Variants in NPC1L1 observed in about 807,000 individuals in gnomAD.
The protein encoded by NPC1L1 is NPC1-like intracellular cholesterol transporter 1.
Under a neutral mutation model 117.0 loss-of-function variants are expected in NPC1L1, and 98 were observed. The observed-to-expected ratio is 0.84, with a 90% confidence interval of 0.71 to 0.99. NPC1L1 has a LOEUF of 0.99. NPC1L1 is among the 50% of genes least tolerant of loss of function. The probability of loss-of-function intolerance (pLI) is 0.00; values close to 1 mark genes in which losing one functional copy is unlikely to be tolerated. For synonymous variants in NPC1L1, 729 were observed against 727.6 expected, an observed-to-expected ratio of 1.00 and a Z score of -0.03; for missense variants, 1,540 against 1,710.0, an observed-to-expected ratio of 0.90 and a Z score of 1.75.
intron 14 of NPC1L1, 62 bp from the exon 15 acceptor site, chr7:44,517,419 T>C: frequency 6.3e-7 from 1 of 1,590,750 alleles, no homozygotes; most frequent in Non-Finnish European, 8.5e-7. Context: ...CCAGGACAAC[T>C]TCAGAACACC....
Position 44,536,837 on chromosome 7 carries a change from CT to C in NPC1L1, c.1681+4del, listed in dbSNP as rs771375156. 1.9e-5 allele frequency: 30 copies of C among 1,612,958 alleles called. No individual in the cohort carries two copies. Among genetic ancestry groups the C allele is most frequent in the Admixed American group, 3.3e-5 (2 of 60,010 alleles). On this transcript the variant is annotated splice_donor_region_variant and intron_variant, in intron 3 of 18. Transcript: ENST00000381160. This position sits in a 1 kb window ranked among gnomAD's most constrained non-coding sequence, Gnocchi z 4.7. ...TGGCTTCCTCTCAGGGCCCACTTAG[CT>C]TACCTTTGTACCCCCCAATGGCAAG...
Position 44,529,136 on chromosome 7 carries a change from C to T in NPC1L1, c.2637+2619G>A, listed in dbSNP as rs1249248203. Among the ~76,000 whole-genome samples, 92 of 148,870 alleles carry T rather than the reference C, an allele frequency of 6.2e-4. 1 individual carries two copies. The highest frequency in any genetic ancestry group is 2.1e-3 in the African/African-American group (86 of 40,626). ...ACACACACACACACACACACACACA[C>T]ACACACACACACACACACACACACA... On this transcript the variant is annotated intron_variant, in intron 10 of 18. Coordinates refer to ENST00000381160, the MANE Select transcript of NPC1L1 (RefSeq NM_001101648.2).
At chr7:44,514,074 C>A (rs1383030037) in intron 18 of NPC1L1, among the ~76,000 whole-genome samples, 1 of 152,208 alleles carries the variant, frequency 6.6e-6, no homozygotes, top group Non-Finnish European at 1.5e-5. Flanking sequence ...AAGTCTGTAA[C>A]CTGGGGCAGG....
Position 44,534,655 on chromosome 7 carries a change from CT to C in NPC1L1, c.1984-27del. 6.2e-7 allele frequency: 1 copy of C among 1,612,490 alleles called. No individual in the cohort carries two copies. Among genetic ancestry groups the C allele is most frequent in the Middle Eastern group, 1.7e-4 (1 of 5,794 alleles). On this transcript the variant is annotated intron_variant, in intron 5 of 18. Coordinates refer to ENST00000381160, the MANE Select transcript of NPC1L1 (RefSeq NM_001101648.2). The surrounding 1 kb of genome is among the most constrained non-coding windows in gnomAD (Gnocchi z 5.2). ...CTGCAATGCAAACAGGCTCAGCCCC[CT>C]AGCCACTTAGCACCTACCCAGTATG...
intron 5 of NPC1L1, among the ~76,000 whole-genome samples, chr7:44,535,249 C>T (rs1235357266): frequency 6.6e-6 from 1 of 151,988 alleles, no homozygotes. Flanking sequence ...CCTGTAATGC[C>T]AGCTACTCGG....
chr7:44,520,019 C>T (rs1438892535), intron 14 of NPC1L1, among the ~76,000 whole-genome samples: 2 of 152,080 alleles, frequency 1.3e-5, no homozygotes, highest in African/African-American at 4.8e-5. Context: ...GTGGCTCATG[C>T]CTGTAATACT....
chr7:44,530,053 AG>A (rs1801648928), intron 10 of NPC1L1, among the ~76,000 whole-genome samples: 1 of 150,704 alleles, frequency 6.6e-6, no homozygotes, highest in Non-Finnish European at 1.5e-5. Context: ...AAGAAAAAGT[AG>A]AGGCCAGGTG....
chr7:44,539,954 C>T lies in NPC1L1; in HGVS notation c.443G>A (p.Gly148Glu). Residue 148 changes from glycine to glutamate, a missense_variant, in exon 2 of 19, where the codon GGA becomes GAA. Coordinates refer to ENST00000381160, the MANE Select transcript of NPC1L1 (RefSeq NM_001101648.2). The surrounding 1 kb of genome is among the most constrained non-coding windows in gnomAD (Gnocchi z 4.4). ...ATAGGCCACCACAGCTGGGAGTTGT[C>T]CAGCCCCTAGCTGGGCCACGCGGGT... ...NVTRVAQLGA[G>E]QLPAVVAYEA... 6.2e-7 allele frequency: 1 copy of T among 1,614,230 alleles called. No homozygotes were observed. The highest frequency in any genetic ancestry group is 8.5e-7 in the Non-Finnish European group (1 of 1,180,030).
intron 14 of NPC1L1, 121 bp downstream of exon 14, chr7:44,520,644 C>T (rs940370174): frequency 3.8e-5 from 33 of 865,234 alleles, no homozygotes; most frequent in Middle Eastern, 2.2e-4. Flanking sequence ...ACAGGGCCAG[C>T]GCAGTGAGAA....
rs150464392 is a variant in NPC1L1, at chr7:44,536,937, G to A, written c.1586C>T (p.Pro529Leu). The change falls in exon 3 of 19, where the codon CCG becomes CTG. Residue 529 changes from proline to leucine, a missense_variant. By Grantham distance (98) the Pro-to-Leu change is moderately conservative. Around this residue, in one of 3 missense-constraint regions of NPC1L1, gnomAD observed 793 missense variants for 820.4 expected, o/e 0.97. Coordinates refer to ENST00000381160, the MANE Select transcript of NPC1L1 (RefSeq NM_001101648.2). The surrounding 1 kb of genome is among the most constrained non-coding windows in gnomAD (Gnocchi z 4.7). ...KDHFLYCANA[P>L]LTFKDGTALA... ...GGCTGTGCCATCCTTGAAGGTGAGC[G>A]GGGCACTAGAGGGAGATGACCGCAA... 28 of 1,613,656 alleles carry A rather than the reference G, an allele frequency of 1.7e-5. No homozygotes were observed. The highest frequency in any genetic ancestry group is 1.3e-4 in the South Asian group (12 of 91,060).
chr7:44,521,156 G>C, intron 12 of NPC1L1, 38 bp from the exon 13 acceptor site: 1 of 1,613,440 alleles, frequency 6.2e-7, no homozygotes, highest in South Asian at 1.1e-5. Context: ...TGACACCCCA[G>C]GGCCAGCAGC....
In NPC1L1 at chr7:44,532,209, C is replaced by T. The variant is rs1212225392; in HGVS notation, c.2418G>A (p.Arg806=). 2 of 1,613,600 alleles carry T rather than the reference C, an allele frequency of 1.2e-6. No homozygotes were observed. Among genetic ancestry groups the T allele is most frequent in the East Asian group, 2.2e-5 (1 of 44,888 alleles). The stretch of plus-strand genomic sequence containing the variant: ...GCTTGACACAGCAGCAGACGTCCAA[C>T]CGGGAGGCCTGGAGTGGGAGGCACC... ...SLDSKRQEAS[R]LDVCCCVKPQ... is the part of the protein sequence containing the mutation. The change falls in exon 9 of 19, where the codon CGG becomes CGA. Residue 806 remains arginine (R), a synonymous_variant. Transcript: ENST00000381160.
chr7:44,522,357 T>C, intron 10 of NPC1L1, 115 bp from the exon 11 acceptor site: 1 of 985,692 alleles, frequency 1.0e-6, no homozygotes, highest in South Asian at 1.4e-5. Flanking sequence ...AGGCACATGT[T>C]CAGAGGTCCA....
chr7:44,531,664 G>T, intron 10 of NPC1L1, 91 bp downstream of exon 10: 2 of 1,149,870 alleles, frequency 1.7e-6, no homozygotes, highest in Non-Finnish European at 2.5e-6. Flanking sequence ...CCAAGCCCCT[G>T]GCCGGAGGAC....
In NPC1L1 at chr7:44,519,953, C is replaced by T. The variant is rs185934532; in HGVS notation, c.3136+812G>A. ...CTGAATAGCTGGAACTACAGGCACACGCCACCACACCCGGGCAATTTTTTA... is the reference window on the plus strand; with the variant it reads ...CTGAATAGCTGGAACTACAGGCACATGCCACCACACCCGGGCAATTTTTTA... On this transcript the variant is annotated intron_variant, in intron 14 of 18. Coordinates refer to ENST00000381160, the MANE Select transcript of NPC1L1 (RefSeq NM_001101648.2). Among the ~76,000 whole-genome samples the T allele has an allele frequency of 6.6e-5, 10 of 152,030 alleles. No individual in the cohort carries two copies. The East Asian group carries it at 1.5e-3, about 24-fold the overall frequency.
chr7:44,534,470 A>C lies in NPC1L1; in HGVS notation c.2143T>G (p.Phe715Val). ...ACCTGGTACTCGAGAACAAAGATGA[A>C]GATGTTATCAGCCCCCACGGACAGC... ...LVLSVGADNI[F>V]IFVLEYQRLP... The change falls in exon 6 of 19, where the codon TTC becomes GTC. Residue 715 changes from phenylalanine to valine, a missense_variant. Coordinates refer to ENST00000381160, the MANE Select transcript of NPC1L1 (RefSeq NM_001101648.2). The surrounding 1 kb of genome is among the most constrained non-coding windows in gnomAD (Gnocchi z 5.2). The C allele has an allele frequency of 6.2e-7, 1 of 1,614,114 alleles. No individual in the cohort carries two copies. The highest frequency in any genetic ancestry group is 8.5e-7 in the Non-Finnish European group (1 of 1,180,006).
Position 44,541,173 on chromosome 7 carries a change from G to T in NPC1L1, c.54+33C>A, listed in dbSNP as rs548277093. 8.4e-6 allele frequency: 13 copies of T among 1,547,702 alleles called. No homozygotes were observed. The South Asian group carries it at 1.5e-4, about 18-fold the overall frequency. ...GCCCCAGGGTCCCTAACTGGAGGCCGCAGGGGAGGTGGAGCCAAGCCCTGG... is the reference window on the plus strand; with the variant it reads ...GCCCCAGGGTCCCTAACTGGAGGCCTCAGGGGAGGTGGAGCCAAGCCCTGG... On this transcript the variant is annotated intron_variant, in intron 1 of 18. Transcript: ENST00000381160.
rs577093223 is a variant in NPC1L1, at chr7:44,516,287, A to C, written c.3520-90T>G. The C allele has an allele frequency of 4.7e-5, 51 of 1,085,384 alleles. 3 individuals are homozygous for C. In the South Asian group the frequency reaches 6.7e-4, roughly 14 times the overall value. 67.2% of individuals were successfully genotyped at this position (1,085,384 alleles called of 1,614,324 possible). A position where few individuals can be genotyped will look rare whatever the true frequency, so the allele number is the denominator to read the frequency against. On this transcript the variant is annotated intron_variant, in intron 16 of 18. Coordinates refer to ENST00000381160, the MANE Select transcript of NPC1L1 (RefSeq NM_001101648.2). Reference sequence around the variant, plus strand: ...GCCTCCACCAGGACCAGCGTGGGGCAGGCATCTAGATTCTAGACAGAACTG... The same window carrying C: ...GCCTCCACCAGGACCAGCGTGGGGCCGGCATCTAGATTCTAGACAGAACTG...
rs1227341875 is a variant in NPC1L1, at chr7:44,516,419, C to CA, written c.3520-223dup. ...AGGAGTTTGAGACCAGCCTGGGCAA[C>CA]AAAGTGAGACCCTGTCTCTACAACA... On this transcript the variant is annotated intron_variant, in intron 16 of 18. Transcript: ENST00000381160. Among the ~76,000 whole-genome samples, 6 of 146,578 alleles carry CA rather than the reference C, an allele frequency of 4.1e-5. 1 individual carries two copies. In the Admixed American group the frequency reaches 4.2e-4, roughly 10 times the overall value.
Sources: allele counts gnomAD v4.1 joint callset (sites outside exome capture counted in the v4.1 genomes callset), GRCh38; gene constraint gnomAD v4.1.1; regional missense constraint gnomAD v4.1.1; non-coding constraint Gnocchi (gnomAD v3.1); transcripts MANE v1.5; gene names NCBI Gene and HGNC (gene_info 2026-07-23, HGNC 2026-07-21).